OPCML: variants seen among roughly 807,000 people sequenced by gnomAD.
The protein encoded by OPCML is opioid-binding protein/cell adhesion molecule.
In OPCML, 13 loss-of-function variants were observed where a neutral mutation model predicts 37.8. The observed-to-expected ratio is 0.34, with a 90% CI of 0.22 to 0.55. OPCML has a LOEUF of 0.55. Ranked by LOEUF, OPCML falls within the 20% of genes least tolerant of loss-of-function variation. OPCML has a pLI of 0.91. For missense variants in OPCML, 341 were observed against 435.6 expected, an observed-to-expected ratio of 0.78 and a Z score of 1.93; for synonymous variants, 176 against 168.8, an observed-to-expected ratio of 1.04 and a Z score of -0.33.
At chr11:133,085,950 C>T (rs1948812923) in intron 1 of OPCML, among the ~76,000 whole-genome samples, 1 of 152,206 alleles carries the variant, frequency 6.6e-6, no homozygotes, top group Non-Finnish European at 1.5e-5. Flanking sequence ...CATCTAATAT[C>T]TAACTCGGCT....
chr11:132,513,633 G>C (rs1439567802), intron 4 of OPCML, among the ~76,000 whole-genome samples: 2 of 151,992 alleles, frequency 1.3e-5, no homozygotes, highest in Non-Finnish European at 2.9e-5. Context: ...CCATTGCCTA[G>C]AATATTTCTC....
At chr11:133,275,005 C>T (rs1941953067) in intron 1 of OPCML, among the ~76,000 whole-genome samples, 1 of 152,118 alleles carries the variant, frequency 6.6e-6, no homozygotes, top group African/African-American at 2.4e-5. Context: ...AGAGTGACAG[C>T]TATGATTTTA....
intron 1 of OPCML, among the ~76,000 whole-genome samples, chr11:133,500,373 A>G (rs1947885266): frequency 6.6e-6 from 1 of 152,204 alleles, no homozygotes; most frequent in African/African-American, 2.4e-5. Flanking sequence ...CCTGTCACCA[A>G]GAGAATCCTG....
At chr11:132,890,714 A>G (rs1388184102) in intron 2 of OPCML, among the ~76,000 whole-genome samples, 4 of 150,722 alleles carry the variant, frequency 2.7e-5, no homozygotes, top group South Asian at 2.1e-4. Context: ...AAAATTAGCC[A>G]GGCGTGGTGG....
intron 4 of OPCML, among the ~76,000 whole-genome samples, chr11:132,468,044 G>A (rs988545143): frequency 2.0e-5 from 3 of 152,166 alleles, no homozygotes; most frequent in Non-Finnish European, 4.4e-5. Context: ...CAGGTTGAAA[G>A]GAAGGCGTAC....
At chr11:133,467,397 C>T (rs888971859) in intron 1 of OPCML, among the ~76,000 whole-genome samples, 2 of 152,130 alleles carry the variant, frequency 1.3e-5, no homozygotes, top group African/African-American at 4.8e-5. Flanking sequence ...GAGCATGTCA[C>T]TAAAATCTCA....
At chr11:133,071,799 T>C (rs1591974173) in intron 1 of OPCML, among the ~76,000 whole-genome samples, 1 of 152,294 alleles carries the variant, frequency 6.6e-6, no homozygotes, top group East Asian at 1.9e-4. Flanking sequence ...GCTACAAACA[T>C]TCATTCCAAA....
chr11:132,518,408 TTA>T (rs2096284979), intron 4 of OPCML, among the ~76,000 whole-genome samples: 2 of 152,208 alleles, frequency 1.3e-5, no homozygotes, highest in South Asian at 4.1e-4. Context: ...ACCTAACTCT[TTA>T]AAGGGCTGTA....
intron 3 of OPCML, among the ~76,000 whole-genome samples, chr11:132,603,873 C>T (rs911135179): frequency 6.6e-6 from 1 of 152,148 alleles, no homozygotes. Context: ...TAGCAATGAT[C>T]TTGTATCCTA....
chr11:133,332,750 A>T (rs1198093930), intron 1 of OPCML, among the ~76,000 whole-genome samples: 2 of 152,278 alleles, frequency 1.3e-5, no homozygotes, highest in Admixed American at 1.3e-4. Context: ...TATCTGATGA[A>T]TCACATTGAT....
intron 2 of OPCML, among the ~76,000 whole-genome samples, chr11:132,941,882 T>C (rs10431100): frequency 0.28 from 42,996 of 151,892 alleles, 6,837 homozygotes; most frequent in East Asian, 0.61. Context: ...GCAGGAAAGG[T>C]TCCACCAGAA....
At chr11:132,611,652 A>G (rs1187454153) in intron 3 of OPCML, among the ~76,000 whole-genome samples, 1 of 152,174 alleles carries the variant, frequency 6.6e-6, no homozygotes, top group Non-Finnish European at 1.5e-5. Context: ...ATTTCCTCAA[A>G]TTATTTATAT....
intron 3 of OPCML, 100 bp from the exon 4 acceptor site, chr11:132,529,286 A>C: frequency 7.1e-7 from 1 of 1,408,872 alleles, no homozygotes; most frequent in Middle Eastern, 2.4e-4. Context: ...TTTTATAATA[A>C]ATATTGTTTG....
At chr11:132,890,517 AGATAC>A (rs1415524221) in intron 2 of OPCML, among the ~76,000 whole-genome samples, 1 of 152,118 alleles carries the variant, frequency 6.6e-6, no homozygotes, top group Admixed American at 6.6e-5. Context: ...GAGGTTACAA[AGATAC>A]ATACAAAAGA....
At chr11:133,493,292 G>A (rs1328036700) in intron 1 of OPCML, among the ~76,000 whole-genome samples, 1 of 152,202 alleles carries the variant, frequency 6.6e-6, no homozygotes, top group Non-Finnish European at 1.5e-5. Context: ...AGCACCCTTT[G>A]GGGAGATCCA....
intron 1 of OPCML, among the ~76,000 whole-genome samples, chr11:133,137,862 T>C (rs150479192): frequency 2.6e-4 from 39 of 152,270 alleles, no homozygotes; most frequent in African/African-American, 8.9e-4. Context: ...CGACATCCAG[T>C]GAAAGTGTGA....
intron 1 of OPCML, among the ~76,000 whole-genome samples, chr11:133,217,905 G>A (rs76035052): frequency 6.6e-6 from 1 of 152,088 alleles, no homozygotes; most frequent in African/African-American, 2.4e-5. Context: ...GGTTAGCTTG[G>A]TGTGGTGGTG....
intron 1 of OPCML, among the ~76,000 whole-genome samples, chr11:133,494,822 G>C (rs992893564): frequency 6.6e-6 from 1 of 150,466 alleles, no homozygotes; most frequent in Non-Finnish European, 1.5e-5. Flanking sequence ...GTATACATAT[G>C]TAACTAACCT....
At chr11:132,423,775 C>T (rs888666947) in intron 7 of OPCML, among the ~76,000 whole-genome samples, 41 of 152,262 alleles carry the variant, frequency 2.7e-4, no homozygotes, top group Admixed American at 2.4e-3. Flanking sequence ...CACGTTTGGT[C>T]CCATGGGTTA....
Sources: gnomAD v4.1 joint callset for allele counts (sites outside exome capture counted in the v4.1 genomes callset) on GRCh38, gnomAD v4.1.1 for gene constraint, MANE v1.5 for transcripts, NCBI Gene and HGNC (gene_info 2026-07-23, HGNC 2026-07-21) for gene names.